The following SLC25A40 variants were observed in gnomAD, a reference collection of about 807,000 sequenced individuals.
The protein encoded by SLC25A40 is solute carrier family 25 member 40.
A neutral mutation model predicts 46.5 loss-of-function variants in SLC25A40; 41 were observed. The observed-to-expected ratio is 0.88, with a 90% confidence interval of 0.69 to 1.14. The LOEUF (loss-of-function observed/expected upper bound fraction) is 1.14, where lower values mean the gene tolerates loss of function less well. SLC25A40 is among the 50% of genes most tolerant of loss of function. The pLI, the probability that SLC25A40 is intolerant of heterozygous loss-of-function variation, is 0.00. For synonymous variants in SLC25A40, 126 were observed against 127.5 expected, an observed-to-expected ratio of 0.99 and a Z score of 0.08; for missense variants, 386 against 393.6, an observed-to-expected ratio of 0.98 and a Z score of 0.16.
intron 1 of SLC25A40, among the ~76,000 whole-genome samples, chr7:87,870,491 G>A (rs1010828680): frequency 8.5e-5 from 13 of 152,188 alleles, no homozygotes; most frequent in African/African-American, 3.1e-4. Context: ...CAGATCCCCA[G>A]TGAGGACCCC....
At position 87,854,802 on chromosome 7, in the gene SLC25A40, A is replaced by T. The variant is rs539535087; in HGVS notation, c.158-492T>A. Among the ~76,000 whole-genome samples the T allele has an allele frequency of 4.7e-3, 645 of 137,526 alleles. 6 individuals are homozygous for T. The highest frequency in any genetic ancestry group is 0.018 in the African/African-American group (617 of 35,120). The allele number at this position is 137,526 out of a possible 152,430, so 90.2% of individuals were successfully genotyped here. ...ACTCCAGCCTGGGCAACAGAGCAAGACTGTCTCAAAAAAAAAAAAAAAAAA... is the reference window on the plus strand; with the variant it reads ...ACTCCAGCCTGGGCAACAGAGCAAGTCTGTCTCAAAAAAAAAAAAAAAAAA... On this transcript the variant is annotated intron_variant, in intron 4 of 11. Transcript: ENST00000341119.
At chr7:87,837,079 GC>G (rs1838267820) in intron 10 of SLC25A40, 2 of 191,252 alleles carry the variant, frequency 1.0e-5, no homozygotes, top group Non-Finnish European at 2.1e-5. Flanking sequence ...ACTTGATAAT[GC>G]TTGTTTCTTA....
intron 5 of SLC25A40, among the ~76,000 whole-genome samples, chr7:87,850,417 AATTGGCTAAGGATTTGAATATAT>A (rs1486542068): frequency 1.3e-4 from 20 of 152,216 alleles, no homozygotes; most frequent in South Asian, 8.3e-4. Flanking sequence ...AGTAATTAAA[AATTGGCTAAGGATTTGAATATAT>A]ATTTCTCCAA....
intron 2 of SLC25A40, 129 bp from the exon 3 acceptor site, chr7:87,858,880 AC>A (rs1030847656): frequency 1.6e-6 from 1 of 614,380 alleles, no homozygotes; most frequent in African/African-American, 1.8e-5. Context: ...CCAAACAGAT[AC>A]TGACAGAATG....
chr7:87,855,269 G>A lies in SLC25A40; in HGVS notation c.158-959C>T, dbSNP rs146606758. ...CCCATTTAGAGAAGGGAACATGGAC[G>A]CATATCTTCTCTATTTGACCAGAAG... On this transcript the variant is annotated intron_variant, in intron 4 of 11. Coordinates refer to ENST00000341119, the MANE Select transcript of SLC25A40 (RefSeq NM_018843.4). Among the ~76,000 whole-genome samples, 785 of 152,156 alleles carry A rather than the reference G, an allele frequency of 5.2e-3. 7 individuals are homozygous for A. The highest frequency in any genetic ancestry group is 0.027 in the Middle Eastern group (8 of 294).
chr7:87,863,135 G>T (rs1355991065), intron 1 of SLC25A40, among the ~76,000 whole-genome samples: 1 of 152,032 alleles, frequency 6.6e-6, no homozygotes, highest in Admixed American at 6.5e-5. Flanking sequence ...TGATGTTAAG[G>T]CATGTATACT....
chr7:87,854,750 T>C (rs1838578343), intron 4 of SLC25A40, among the ~76,000 whole-genome samples: 1 of 144,984 alleles, frequency 6.9e-6, no homozygotes, highest in Admixed American at 7.1e-5. Context: ...AGGCAGAGCT[T>C]GCAGTGAGCC....
chr7:87,845,197 A>T (rs1204977746), intron 8 of SLC25A40, among the ~76,000 whole-genome samples: 1 of 152,224 alleles, frequency 6.6e-6, no homozygotes, highest in Non-Finnish European at 1.5e-5. Context: ...CCAGCGAAAC[A>T]GATCCATGCA....
intron 11 of SLC25A40, 48 bp from the exon 12 acceptor site, chr7:87,836,409 TA>T: frequency 8.5e-7 from 1 of 1,183,346 alleles, no homozygotes; most frequent in Non-Finnish European, 1.2e-6. Flanking sequence ...TTTCTTACCT[TA>T]TTTTTAAAAA....
chr7:87,875,156 A>T (rs1413769022), intron 1 of SLC25A40, among the ~76,000 whole-genome samples: 2 of 152,254 alleles, frequency 1.3e-5, no homozygotes, highest in African/African-American at 4.8e-5. Flanking sequence ...ACCTTGATGC[A>T]GAAATATTTT....
At chr7:87,872,882 T>C (rs1192300181) in intron 1 of SLC25A40, among the ~76,000 whole-genome samples, 4 of 152,276 alleles carry the variant, frequency 2.6e-5, no homozygotes, top group Middle Eastern at 3.4e-3. Context: ...AAGGGCCTGA[T>C]AATGCTGAAT....
At chr7:87,863,453 T>C (rs1242260294) in intron 1 of SLC25A40, among the ~76,000 whole-genome samples, 4 of 152,058 alleles carry the variant, frequency 2.6e-5, no homozygotes, top group Non-Finnish European at 5.9e-5. Context: ...TCCACTGTGA[T>C]TGCCAGTTTC....
At chr7:87,845,506 G>A (rs1034109000) in intron 8 of SLC25A40, among the ~76,000 whole-genome samples, 1 of 152,098 alleles carries the variant, frequency 6.6e-6, no homozygotes, top group Non-Finnish European at 1.5e-5. Context: ...GTGATCTGAG[G>A]TGGAATAGTT....
rs749293178 is a variant in SLC25A40 at position 87,846,951 on chromosome 7, G to A, written c.629C>T (p.Ser210Leu). The A allele has an allele frequency of 1.3e-6, 2 of 1,598,094 alleles. No homozygotes were observed. Among genetic ancestry groups the A allele is most frequent in the Non-Finnish European group, 1.7e-6 (2 of 1,174,030 alleles). Residue 210 changes from serine to leucine, a missense_variant and splice_region_variant, in exon 8 of 12, where the codon TCA (serine) becomes TTA (leucine). Physicochemically the swap from Ser to Leu is moderately radical, Grantham distance 145 (BLOSUM62 -2). Transcript: ENST00000341119. ...APTVLRDVPF[S>L]AMYWYNYEIL... Reference sequence around the variant, plus strand: ...GCTACAAATAAGATAAATCCTACCTGAGAAAGGTACATCTCTAAGAACAGT... The same window carrying A: ...GCTACAAATAAGATAAATCCTACCTAAGAAAGGTACATCTCTAAGAACAGT...
chr7:87,854,598 G>A (rs1015290402), intron 4 of SLC25A40, among the ~76,000 whole-genome samples: 3 of 149,246 alleles, frequency 2.0e-5, no homozygotes, highest in Non-Finnish European at 4.5e-5. Context: ...GGATCATGAG[G>A]TCAGGAGATC....
Position 87,834,190 on chromosome 7 carries a change from AATTTATAT to A in SLC25A40, c.*2051_*2058del, listed in dbSNP as rs1838229443. 1 of 151,904 alleles carries A rather than the reference AATTTATAT, an allele frequency of 6.6e-6. No homozygotes were observed. The highest frequency in any genetic ancestry group is 1.5e-5 in the Non-Finnish European group (1 of 67,878). 9.4% of individuals were successfully genotyped at this position (151,904 alleles called of 1,614,324 possible). On this transcript the variant is annotated 3_prime_UTR_variant, in exon 12 of 12. Coordinates refer to ENST00000341119, the MANE Select transcript of SLC25A40 (RefSeq NM_018843.4). ...GGAAAGCCCATGTGGCTGAGAGTTA[AATTTATAT>A]ACTGAAGTAAAACCTGGGAATATTC...
At chr7:87,847,819 G>A (rs2131002763) in intron 7 of SLC25A40, 34 bp downstream of exon 7, 1 of 1,582,530 alleles carries the variant, frequency 6.3e-7, no homozygotes, top group South Asian at 1.2e-5. Context: ...GCTCTAAACA[G>A]AAATCAAAAT....
At chr7:87,874,791 T>C (rs1009047256) in intron 1 of SLC25A40, among the ~76,000 whole-genome samples, 2 of 152,208 alleles carry the variant, frequency 1.3e-5, no homozygotes, top group Non-Finnish European at 2.9e-5. Flanking sequence ...GCCAAGTAGT[T>C]AGTGAAGCCC....
At chr7:87,869,591 AC>A (rs1554322085) in intron 1 of SLC25A40, among the ~76,000 whole-genome samples, 1 of 150,920 alleles carries the variant, frequency 6.6e-6, no homozygotes, top group African/African-American at 2.4e-5. Flanking sequence ...TTCAGTTCGT[AC>A]CCCCTTTTTT....
Sources: allele counts gnomAD v4.1 joint callset (sites outside exome capture counted in the v4.1 genomes callset), GRCh38; gene constraint gnomAD v4.1.1; transcripts MANE v1.5; gene names NCBI Gene and HGNC (gene_info 2026-07-23, HGNC 2026-07-21).